The following PTPRM variants were observed in gnomAD, a reference collection of about 807,000 sequenced individuals.
The protein encoded by PTPRM is receptor-type tyrosine-protein phosphatase mu.
PTPRM carries 47 observed loss-of-function variants against 186.7 expected under a neutral mutation model. That is an observed-to-expected ratio of 0.25 (90% confidence interval 0.20 to 0.32). The LOEUF (loss-of-function observed/expected upper bound fraction) is 0.32. PTPRM is among the 10% of genes least tolerant of loss of function. The pLI, the probability that PTPRM is intolerant of heterozygous loss-of-function variation, is 1.00. For synonymous variants in PTPRM, 668 were observed against 674.9 expected (o/e 0.99, Z 0.16); for missense variants, 1,494 against 1,865.0 (o/e 0.80, Z 3.66).
At chr18:8,100,128 A>T (rs1007050546) in intron 11 of PTPRM, among the ~76,000 whole-genome samples, 1 of 149,388 alleles carries the variant, frequency 6.7e-6, no homozygotes, top group South Asian at 2.1e-4. Flanking sequence ...GATGCCACAC[A>T]CTTGTGTGTG....
intron 5 of PTPRM, among the ~76,000 whole-genome samples, chr18:7,937,003 C>G (rs2051856275): frequency 6.6e-6 from 1 of 152,212 alleles, no homozygotes; most frequent in African/African-American, 2.4e-5. Context: ...TTGGGACACC[C>G]TCACTGTGGA....
At chr18:8,050,447 T>A (rs944384431) in intron 7 of PTPRM, among the ~76,000 whole-genome samples, 2 of 151,792 alleles carry the variant, frequency 1.3e-5, no homozygotes, top group Non-Finnish European at 2.9e-5. Context: ...AATATGAATA[T>A]GAATATTGAA....
chr18:7,582,565 G>A (rs1326904424), intron 1 of PTPRM, among the ~76,000 whole-genome samples: 4 of 152,196 alleles, frequency 2.6e-5, no homozygotes, highest in Admixed American at 6.5e-5. Flanking sequence ...TAAAGAGTAC[G>A]GATACAAAAA....
intron 14 of PTPRM, among the ~76,000 whole-genome samples, chr18:8,196,127 C>T (rs1252399411): frequency 6.6e-6 from 1 of 152,198 alleles, no homozygotes; most frequent in Non-Finnish European, 1.5e-5. Context: ...AGAGTGTGAA[C>T]CGTAATTTGG....
At chr18:8,389,262 A>G (rs2095796877) in intron 31 of PTPRM, among the ~76,000 whole-genome samples, 1 of 152,194 alleles carries the variant, frequency 6.6e-6, no homozygotes, top group Non-Finnish European at 1.5e-5. Context: ...GCAGCTTTCT[A>G]AAAAGGGTCA....
chr18:8,320,911 A>G (rs1192005840), intron 22 of PTPRM, among the ~76,000 whole-genome samples: 1 of 152,190 alleles, frequency 6.6e-6, no homozygotes, highest in African/African-American at 2.4e-5. Context: ...AGCAGGCCCT[A>G]CTACATAGAG....
chr18:8,031,705 G>A (rs1600166137), intron 7 of PTPRM, among the ~76,000 whole-genome samples: 1 of 152,200 alleles, frequency 6.6e-6, no homozygotes, highest in East Asian at 1.9e-4. Context: ...TCTGCCAAGT[G>A]TCCAGCAGAT....
chr18:7,653,379 A>C (rs1187462577), intron 1 of PTPRM, among the ~76,000 whole-genome samples: 1 of 152,054 alleles, frequency 6.6e-6, no homozygotes, highest in Non-Finnish European at 1.5e-5. Context: ...TAGGTAAACT[A>C]TGTCATGAAG....
At chr18:8,074,490 T>G (rs28478486) in intron 8 of PTPRM, among the ~76,000 whole-genome samples, 3,279 of 152,302 alleles carry the variant, frequency 0.022, 102 homozygotes, top group African/African-American at 0.075. Context: ...CGGAGTGTTT[T>G]CAAAGTAGCG....
intron 2 of PTPRM, among the ~76,000 whole-genome samples, chr18:7,819,666 C>A (rs191382380): frequency 1.4e-4 from 22 of 152,334 alleles, no homozygotes; most frequent in African/African-American, 5.3e-4. Context: ...TCTGTCCTTG[C>A]AGTAAGGCAG....
chr18:7,600,190 G>A (rs1425831303), intron 1 of PTPRM, among the ~76,000 whole-genome samples: 1 of 152,176 alleles, frequency 6.6e-6, no homozygotes, highest in Non-Finnish European at 1.5e-5. Flanking sequence ...GATGCCTCAT[G>A]TGTAGAGCGG....
chr18:7,742,181 CTTCCTATTTTT>C (rs2040896288), intron 1 of PTPRM, among the ~76,000 whole-genome samples: 1 of 152,128 alleles, frequency 6.6e-6, no homozygotes, highest in African/African-American at 2.4e-5. Flanking sequence ...GAATTTTTAT[CTTCCTATTTTT>C]AAGGCATTAT....
At chr18:7,901,493 A>G (rs1599385116) in intron 3 of PTPRM, among the ~76,000 whole-genome samples, 1 of 152,092 alleles carries the variant, frequency 6.6e-6, no homozygotes. Context: ...CAGGCTCCCG[A>G]GTAGCTGGGA....
At chr18:7,964,092 C>T (rs1220721879) in intron 7 of PTPRM, among the ~76,000 whole-genome samples, 1 of 152,080 alleles carries the variant, frequency 6.6e-6, no homozygotes, top group African/African-American at 2.4e-5. Context: ...GAGCACATGC[C>T]TTAATTCTTT....
At chr18:8,189,459 C>T (rs982194044) in intron 14 of PTPRM, among the ~76,000 whole-genome samples, 1 of 152,038 alleles carries the variant, frequency 6.6e-6, no homozygotes, top group Non-Finnish European at 1.5e-5. Context: ...GCTTTGTCAC[C>T]CTGTTCCACC....
chr18:8,394,728 A>G, intron 32 of PTPRM, 117 bp downstream of exon 32: 1 of 1,136,162 alleles, frequency 8.8e-7, no homozygotes, highest in Non-Finnish European at 1.2e-6. Context: ...TTTCAAAATC[A>G]CAATGTAATC....
intron 13 of PTPRM, among the ~76,000 whole-genome samples, chr18:8,116,885 C>T (rs1274522073): frequency 6.6e-6 from 1 of 152,152 alleles, no homozygotes; most frequent in East Asian, 1.9e-4. Context: ...CAAACATTTA[C>T]ACAGCAACAA....
chr18:8,037,885 G>T (rs566573772), intron 7 of PTPRM, among the ~76,000 whole-genome samples: 1 of 152,134 alleles, frequency 6.6e-6, no homozygotes, highest in African/African-American at 2.4e-5. Context: ...GTTAGCTCCT[G>T]ATCAGTGATG....
chr18:8,197,816 C>A lies in PTPRM; in HGVS notation c.2301-46242C>A, dbSNP rs559001298. Among the ~76,000 whole-genome samples the A allele has an allele frequency of 3.8e-4, 58 of 152,156 alleles. 1 individual carries two copies. The highest frequency in any genetic ancestry group is 1.5e-4 in the Non-Finnish European group (10 of 68,040). The stretch of plus-strand genomic sequence containing the variant: ...TAGTTTTTCTGTCATGGTTGCTGAA[C>A]AAGATAATATTCTCTAATTCTTTGA... On this transcript the variant is annotated intron_variant, in intron 14 of 32. Transcript: ENST00000580170.
Sources: gnomAD v4.1 joint callset for allele counts (sites outside exome capture counted in the v4.1 genomes callset) on GRCh38, gnomAD v4.1.1 for gene constraint, MANE v1.5 for transcripts, NCBI Gene and HGNC (gene_info 2026-07-23, HGNC 2026-07-21) for gene names.